The following THSD7B variants were observed in gnomAD, a reference collection of about 807,000 sequenced individuals.
The protein encoded by THSD7B is thrombospondin type-1 domain-containing protein 7B.
A neutral mutation model predicts 213.6 loss-of-function variants in THSD7B; 138 were observed. The observed-to-expected ratio is 0.65, with a 90% CI of 0.56 to 0.74. The LOEUF (loss-of-function observed/expected upper bound fraction) is 0.74. THSD7B is among the 30% of genes least tolerant of loss of function. The pLI, the probability that THSD7B is intolerant of heterozygous loss-of-function variation, is 0.00. For missense variants in THSD7B, 1,931 were observed against 1,991.5 expected (o/e 0.97, Z 0.58); for synonymous variants, 742 against 687.0 (o/e 1.08, Z -1.25).
chr2:136,845,340 A>G (rs1315744592), intron 1 of THSD7B, among the ~76,000 whole-genome samples: 1 of 152,224 alleles, frequency 6.6e-6, no homozygotes, highest in African/African-American at 2.4e-5. Flanking sequence ...CAGTGCAAGA[A>G]TTTAGGACCT....
In THSD7B at chr2:137,056,456, G is replaced by A. The variant is rs746548965; in HGVS notation, c.176G>A (p.Gly59Glu). The change falls in exon 3 of 28, where the codon GGA becomes GAA. Residue 59 changes from glycine (G) to glutamate (E), a missense_variant. Transcript: ENST00000409968. Reference sequence around the variant, plus strand: ...AGGTGTACAGGAGACTGTGGTCCCGGAGGAGTCCAGAGTCGGGCAGTGTGG... The same window carrying A: ...AGGTGTACAGGAGACTGTGGTCCCGAAGGAGTCCAGAGTCGGGCAGTGTGG... ...WGRCTGDCGP[G>E]GVQSRAVWCF... is the part of the protein sequence containing the mutation. The A allele has an allele frequency of 6.2e-7, 1 of 1,613,952 alleles. No homozygotes were observed. Among genetic ancestry groups the A allele is most frequent in the East Asian group, 2.2e-5 (1 of 44,876 alleles).
intron 2 of THSD7B, among the ~76,000 whole-genome samples, chr2:136,883,841 A>G (rs555326237): frequency 6.6e-6 from 1 of 152,328 alleles, no homozygotes; most frequent in South Asian, 2.1e-4. Flanking sequence ...CACATTGTTT[A>G]AAATGAACAT....
chr2:136,932,115 T>C (rs1684642048), intron 2 of THSD7B, among the ~76,000 whole-genome samples: 1 of 152,164 alleles, frequency 6.6e-6, no homozygotes, highest in Non-Finnish European at 1.5e-5. Context: ...TTTTCCAAAG[T>C]CTTGTTTCTC....
At chr2:137,666,308 G>T (rs1018620338) in intron 26 of THSD7B, among the ~76,000 whole-genome samples, 1 of 151,918 alleles carries the variant, frequency 6.6e-6, no homozygotes, top group East Asian at 1.9e-4. Flanking sequence ...TAAAAACTCA[G>T]ATTAGGCCAT....
chr2:136,878,676 G>A (rs1479662027), intron 1 of THSD7B, among the ~76,000 whole-genome samples: 2 of 152,134 alleles, frequency 1.3e-5, no homozygotes, highest in Non-Finnish European at 1.5e-5. Flanking sequence ...CAGTGATGAT[G>A]AGCATTTTTT....
chr2:137,624,218 G>A (rs530323025), intron 20 of THSD7B, among the ~76,000 whole-genome samples: 4,138 of 152,206 alleles, frequency 0.027, 182 homozygotes, highest in African/African-American at 0.095. Flanking sequence ...ACAAAAACAA[G>A]AAATGGGAAA....
intron 12 of THSD7B, among the ~76,000 whole-genome samples, chr2:137,342,585 G>A (rs1684785571): frequency 6.6e-6 from 1 of 151,498 alleles, no homozygotes; most frequent in Admixed American, 6.6e-5. Flanking sequence ...TCCTTGCCTT[G>A]TTCTAAATCT....
chr2:137,374,567 AT>A (rs950782265), intron 12 of THSD7B, among the ~76,000 whole-genome samples: 1 of 152,110 alleles, frequency 6.6e-6, no homozygotes, highest in African/African-American at 2.4e-5. Flanking sequence ...TGATGTATGA[AT>A]TTTTTTAACC....
intron 6 of THSD7B, among the ~76,000 whole-genome samples, chr2:137,169,657 AG>A (rs1680204516): frequency 6.6e-6 from 1 of 152,154 alleles, no homozygotes; most frequent in African/African-American, 2.4e-5. Flanking sequence ...TAAAAGAAAA[AG>A]GAATTAAAGG....
chr2:137,660,131 T>C (rs2104820686), intron 25 of THSD7B, among the ~76,000 whole-genome samples: 1 of 152,334 alleles, frequency 6.6e-6, no homozygotes, highest in Admixed American at 6.5e-5. Context: ...ATGATTACTG[T>C]TGAGTGAGTA....
At chr2:136,767,880 G>C (rs536956559) in intron 1 of THSD7B, among the ~76,000 whole-genome samples, 1 of 152,156 alleles carries the variant, frequency 6.6e-6, no homozygotes, top group African/African-American at 2.4e-5. Flanking sequence ...ATCAATACTT[G>C]AGAAATGATC....
At chr2:137,023,085 T>G (rs1334184377) in intron 2 of THSD7B, among the ~76,000 whole-genome samples, 1 of 152,028 alleles carries the variant, frequency 6.6e-6, no homozygotes, top group Non-Finnish European at 1.5e-5. Context: ...GAAAACACCA[T>G]AGGTACTTTA....
At chr2:137,462,270 A>G (rs1418302732) in intron 15 of THSD7B, among the ~76,000 whole-genome samples, 1 of 152,026 alleles carries the variant, frequency 6.6e-6, no homozygotes, top group African/African-American at 2.4e-5. Context: ...AGGAAGAAAA[A>G]TAAGCAACTC....
intron 15 of THSD7B, among the ~76,000 whole-genome samples, chr2:137,540,540 A>C (rs1320735044): frequency 6.6e-6 from 1 of 151,780 alleles, no homozygotes; most frequent in East Asian, 2.0e-4. Flanking sequence ...AGAGGGCTGA[A>C]CAGGATTGGA....
rs149395395 is a variant in THSD7B at position 137,284,956 on chromosome 2, G to C, written c.2500+8930G>C. Among the ~76,000 whole-genome samples, 185 of 152,220 alleles carry C rather than the reference G, an allele frequency of 1.2e-3. 1 individual carries two copies. Among genetic ancestry groups the C allele is most frequent in the African/African-American group, 3.9e-3 (163 of 41,556 alleles). On this transcript the variant is annotated intron_variant, in intron 12 of 27. Coordinates refer to ENST00000409968, the MANE Select transcript of THSD7B (RefSeq NM_001316349.2). The stretch of plus-strand genomic sequence containing the variant: ...CTGAGTTTAATTCCTGGATATCCTT[G>C]TTAACTTTCTGTCTCGTTGATCTGT...
chr2:137,016,513 A>G (rs1395723125), intron 2 of THSD7B, among the ~76,000 whole-genome samples: 1 of 152,172 alleles, frequency 6.6e-6, no homozygotes, highest in East Asian at 1.9e-4. Flanking sequence ...CCTACTTGCC[A>G]CCGCACATGT....
At chr2:137,369,802 T>C (rs1474593218) in intron 12 of THSD7B, among the ~76,000 whole-genome samples, 1 of 152,182 alleles carries the variant, frequency 6.6e-6, no homozygotes, top group Non-Finnish European at 1.5e-5. Context: ...TAAAAATAAA[T>C]TACATTGCCC....
intron 12 of THSD7B, among the ~76,000 whole-genome samples, chr2:137,346,898 C>T (rs1684888174): frequency 1.3e-5 from 2 of 151,672 alleles, no homozygotes; most frequent in South Asian, 4.1e-4. Context: ...TATAGATGCA[C>T]AAATATCTCT....
At position 137,617,936 on chromosome 2, in the gene THSD7B, C is replaced by T. The variant is rs77883385; in HGVS notation, c.3566-456C>T. On this transcript the variant is annotated intron_variant, in intron 18 of 27. Transcript: ENST00000409968. ...TATTCTAATTACCCCCAAATGTTCTCCCTCAAAATACCATCACCTAGAGGG... is the reference window on the plus strand; with the variant it reads ...TATTCTAATTACCCCCAAATGTTCTTCCTCAAAATACCATCACCTAGAGGG... Among the ~76,000 whole-genome samples, 941 of 152,276 alleles carry T rather than the reference C, an allele frequency of 6.2e-3. 14 individuals carry two copies. Among genetic ancestry groups the T allele is most frequent in the African/African-American group, 0.022 (900 of 41,554 alleles).
Sources: gnomAD v4.1 joint callset for allele counts (sites outside exome capture counted in the v4.1 genomes callset) on GRCh38, gnomAD v4.1.1 for gene constraint, MANE v1.5 for transcripts, NCBI Gene and HGNC (gene_info 2026-07-23, HGNC 2026-07-21) for gene names.